The following SDK1 variants were observed in gnomAD, a reference collection of about 807,000 sequenced individuals.
SDK1 encodes the protein protein sidekick-1.
In SDK1, 157 loss-of-function variants were observed where a neutral mutation model predicts 245.5. That is an observed-to-expected ratio of 0.64 (90% CI 0.56 to 0.73). SDK1 has a LOEUF of 0.73. Among genes scored for constraint, SDK1 ranks in the 30% least tolerant of loss-of-function variants. The probability of loss-of-function intolerance (pLI) is 0.00; values close to 1 mark genes in which losing one functional copy is unlikely to be tolerated. For synonymous variants in SDK1, 1,647 were observed against 1,278.5 expected (o/e 1.29, Z -6.15); for missense variants, 3,583 against 3,002.3 (o/e 1.19, Z -4.52).
intron 5 of SDK1, among the ~76,000 whole-genome samples, chr7:3,945,218 A>T (rs554217849): frequency 6.6e-6 from 1 of 152,328 alleles, no homozygotes; most frequent in African/African-American, 2.4e-5. Flanking sequence ...AAAGTTATAG[A>T]TAATGAACAG....
chr7:3,998,139 G>A (rs891447754), intron 14 of SDK1, among the ~76,000 whole-genome samples: 5 of 152,228 alleles, frequency 3.3e-5, no homozygotes, highest in African/African-American at 1.2e-4. Context: ...CTGCTCCATG[G>A]AATGGGAGGC....
At chr7:4,256,460 A>G (rs1490820827) in intron 44 of SDK1, among the ~76,000 whole-genome samples, 1 of 152,248 alleles carries the variant, frequency 6.6e-6, no homozygotes, top group Non-Finnish European at 1.5e-5. Flanking sequence ...CTGTTAGAGA[A>G]GAAAGCATTG....
chr7:3,489,683 A>G (rs2128604731), intron 1 of SDK1, among the ~76,000 whole-genome samples: 1 of 152,330 alleles, frequency 6.6e-6, no homozygotes, highest in African/African-American at 2.4e-5. Flanking sequence ...AATTCAGGGA[A>G]AGTTTCTAAT....
chr7:3,591,904 G>C (rs1780887245), intron 1 of SDK1, among the ~76,000 whole-genome samples: 2 of 152,224 alleles, frequency 1.3e-5, no homozygotes, highest in South Asian at 4.1e-4. Flanking sequence ...GGTGTCTGAA[G>C]TTTGAGAGGA....
At chr7:3,658,414 C>T (rs1031516412) in intron 4 of SDK1, among the ~76,000 whole-genome samples, 3 of 151,932 alleles carry the variant, frequency 2.0e-5, no homozygotes, top group Admixed American at 2.0e-4. Context: ...TACAATGAGT[C>T]TGGCTTCTGA....
intron 35 of SDK1, among the ~76,000 whole-genome samples, chr7:4,190,915 G>A (rs1037636540): frequency 1.2e-4 from 18 of 152,204 alleles, no homozygotes; most frequent in Non-Finnish European, 7.3e-5. Flanking sequence ...GGAGGGCGGG[G>A]AGGCTCCTTG....
chr7:4,096,158 T>C (rs1356937598), intron 22 of SDK1, among the ~76,000 whole-genome samples: 1 of 152,216 alleles, frequency 6.6e-6, no homozygotes, highest in Non-Finnish European at 1.5e-5. Context: ...TCAGGCAATG[T>C]CAAGGCTTAG....
chr7:3,945,307 A>G (rs187956183), intron 5 of SDK1, among the ~76,000 whole-genome samples: 3 of 152,328 alleles, frequency 2.0e-5, no homozygotes, highest in Admixed American at 1.3e-4. Context: ...TATTAAAGTG[A>G]AGTCGTCAGT....
intron 1 of SDK1, among the ~76,000 whole-genome samples, chr7:3,547,134 C>T (rs1047741930): frequency 2.0e-5 from 3 of 152,004 alleles, no homozygotes; most frequent in African/African-American, 7.3e-5. Context: ...TATGATTTAA[C>T]CCTAATGTTT....
rs574535887 is a variant in SDK1, at chr7:3,879,003, G to C, written c.847+57420G>C. On this transcript the variant is annotated intron_variant, in intron 5 of 44. Coordinates refer to ENST00000404826, the MANE Select transcript of SDK1 (RefSeq NM_152744.4). ...TGATCATAATGAAAAATGTAAAATT[G>C]CTGTGACAGTCTCTTGGACTACAAC... Among the ~76,000 whole-genome samples the C allele has an allele frequency of 1.3e-3, 205 of 152,218 alleles. 1 individual carries two copies. The highest frequency in any genetic ancestry group is 4.8e-3 in the African/African-American group (200 of 41,524).
At chr7:3,754,785 C>T (rs1779873945) in intron 4 of SDK1, among the ~76,000 whole-genome samples, 1 of 152,136 alleles carries the variant, frequency 6.6e-6, no homozygotes, top group South Asian at 2.1e-4. Flanking sequence ...GTACCCGATT[C>T]ACTAAACAGC....
At chr7:3,702,054 A>C in intron 4 of SDK1, among the ~76,000 whole-genome samples, 1 of 152,180 alleles carries the variant, frequency 6.6e-6, no homozygotes, top group Admixed American at 6.5e-5. Context: ...TTTCAGAAGA[A>C]TAAACCTCTG....
At chr7:3,748,044 T>A (rs186797258) in intron 4 of SDK1, among the ~76,000 whole-genome samples, 1 of 152,224 alleles carries the variant, frequency 6.6e-6, no homozygotes, top group Admixed American at 6.5e-5. Flanking sequence ...ATATCACAGT[T>A]ACTATATGTG....
chr7:3,451,994 A>G (rs901934423), intron 1 of SDK1, among the ~76,000 whole-genome samples: 14 of 152,222 alleles, frequency 9.2e-5, no homozygotes, highest in African/African-American at 3.4e-4. Context: ...AGAAAACATA[A>G]TCTGTTCAGA....
chr7:3,837,681 T>C (rs979651515), intron 5 of SDK1, among the ~76,000 whole-genome samples: 1 of 152,224 alleles, frequency 6.6e-6, no homozygotes, highest in Non-Finnish European at 1.5e-5. Flanking sequence ...CAATAGGAGT[T>C]GCTGTGATGA....
Position 4,110,665 on chromosome 7 carries a change from G to C in SDK1, c.3327G>C (p.Val1109=). 1 of 1,609,410 alleles carries C rather than the reference G, an allele frequency of 6.2e-7. No homozygotes were observed. Among genetic ancestry groups the C allele is most frequent in the South Asian group, 1.1e-5 (1 of 90,950 alleles). Reference sequence around the variant, plus strand: ...TCTCAGTGTCTCCCTCTGCACAGGTGGGAGCTATCGGCGACGAGGAGGAGT... The same window carrying C: ...TCTCAGTGTCTCCCTCTGCACAGGTCGGAGCTATCGGCGACGAGGAGGAGT... ...SISRWIVEGQ[V]GAIGDEEEWV... Residue 1109 remains valine, a splice_region_variant and synonymous_variant, in exon 23 of 45, where the codon GTG becomes GTC. Coordinates refer to ENST00000404826, the MANE Select transcript of SDK1 (RefSeq NM_152744.4).
chr7:4,244,142 C>T (rs1279505962), intron 43 of SDK1, among the ~76,000 whole-genome samples: 7 of 152,308 alleles, frequency 4.6e-5, no homozygotes, highest in Non-Finnish European at 8.8e-5. Context: ...TCTCCATCCC[C>T]TCCAGCCTTC....
At chr7:3,781,701 C>T (rs1583407799) in intron 4 of SDK1, among the ~76,000 whole-genome samples, 2 of 151,728 alleles carry the variant, frequency 1.3e-5, no homozygotes, top group South Asian at 2.1e-4. Context: ...ACAAAGAAAG[C>T]AAGAAATTTG....
At chr7:3,578,361 C>T (rs1780368632) in intron 1 of SDK1, among the ~76,000 whole-genome samples, 1 of 152,036 alleles carries the variant, frequency 6.6e-6, no homozygotes, top group South Asian at 2.1e-4. Flanking sequence ...GAACTAAGAT[C>T]ACGTGCTTCT....
Sources: gnomAD v4.1 joint callset for allele counts (sites outside exome capture counted in the v4.1 genomes callset) on GRCh38, gnomAD v4.1.1 for gene constraint, MANE v1.5 for transcripts, NCBI Gene and HGNC (gene_info 2026-07-23, HGNC 2026-07-21) for gene names.